Variants in PTPRG observed in about 807,000 individuals in gnomAD.
PTPRG encodes the protein protein tyrosine phosphatase receptor type G, also known as receptor-type tyrosine-protein phosphatase gamma.
In PTPRG, 102 loss-of-function variants were observed where a neutral mutation model predicts 165.3. The observed-to-expected ratio is 0.62, with a 90% CI of 0.53 to 0.73. The LOEUF (loss-of-function observed/expected upper bound fraction) is 0.73. PTPRG is among the 30% of genes least tolerant of loss of function. The probability of loss-of-function intolerance (pLI) is 0.00; values close to 1 mark genes in which losing one functional copy is unlikely to be tolerated. For synonymous variants in PTPRG, 675 were observed against 669.5 expected (o/e 1.01, Z -0.13); for missense variants, 1,866 against 1,861.4 (o/e 1.00, Z -0.05).
chr3:61,818,517 A>G (rs1486545927), intron 2 of PTPRG, among the ~76,000 whole-genome samples: 1 of 152,130 alleles, frequency 6.6e-6, no homozygotes, highest in Non-Finnish European at 1.5e-5. Context: ...AAAGTTGTTT[A>G]GGTGGGTGTG....
intron 2 of PTPRG, among the ~76,000 whole-genome samples, chr3:61,953,376 A>AGGAATTGCT (rs1559710421): frequency 6.6e-6 from 1 of 152,222 alleles, no homozygotes; most frequent in Non-Finnish European, 1.5e-5. Flanking sequence ...GTTAGAAAAA[A>AGGAATTGCT]GGAATTGCTG....
At chr3:62,191,374 C>G in intron 8 of PTPRG, 95 bp from the exon 9 acceptor site, 2 of 1,174,324 alleles carry the variant, frequency 1.7e-6, no homozygotes, top group Non-Finnish European at 2.4e-6. Context: ...TCCTGTATTA[C>G]TCTTTCAACT....
intron 5 of PTPRG, among the ~76,000 whole-genome samples, chr3:62,106,738 C>T (rs1194849004): frequency 1.3e-5 from 2 of 152,116 alleles, no homozygotes; most frequent in African/African-American, 4.8e-5. Context: ...ACTATACATA[C>T]CTCTAGGAAC....
intron 1 of PTPRG, among the ~76,000 whole-genome samples, chr3:61,736,203 C>T (rs574453306): frequency 1.1e-4 from 16 of 147,734 alleles, no homozygotes; most frequent in African/African-American, 3.3e-4. Flanking sequence ...CCACCGCACC[C>T]GGCCATTTTT....
chr3:62,126,166 G>C (rs542591603), intron 5 of PTPRG, among the ~76,000 whole-genome samples: 1 of 152,272 alleles, frequency 6.6e-6, no homozygotes, highest in African/African-American at 2.4e-5. Context: ...CACCCTGCGG[G>C]GATTGGTTTT....
intron 5 of PTPRG, among the ~76,000 whole-genome samples, chr3:62,083,026 TTAAAA>T (rs1478019368): frequency 6.6e-6 from 1 of 152,144 alleles, no homozygotes. Flanking sequence ...AAACATAAAT[TTAAAA>T]TAAAAATATT....
intron 2 of PTPRG, among the ~76,000 whole-genome samples, chr3:61,778,726 G>T (rs1463756872): frequency 2.0e-5 from 3 of 152,090 alleles, no homozygotes; most frequent in Non-Finnish European, 4.4e-5. Context: ...AGGAGTGAAG[G>T]ATCTCAGATA....
At chr3:62,174,103 G>A (rs1160018364) in intron 8 of PTPRG, among the ~76,000 whole-genome samples, 1 of 152,160 alleles carries the variant, frequency 6.6e-6, no homozygotes, top group Non-Finnish European at 1.5e-5. Flanking sequence ...GGATTTAATG[G>A]GCTGTCATTT....
chr3:62,116,079 T>C (rs1702856639), intron 5 of PTPRG, among the ~76,000 whole-genome samples: 1 of 152,156 alleles, frequency 6.6e-6, no homozygotes, highest in African/African-American at 2.4e-5. Context: ...TTGTCAGAGT[T>C]TGGGGAATTG....
chr3:62,001,360 A>G (rs1222116887), intron 3 of PTPRG, among the ~76,000 whole-genome samples: 1 of 152,230 alleles, frequency 6.6e-6, no homozygotes, highest in African/African-American at 2.4e-5. Context: ...TAAATGATTT[A>G]GGTAAAATCA....
At chr3:61,777,322 A>ATTAAAT (rs1340704737) in intron 2 of PTPRG, among the ~76,000 whole-genome samples, 26 of 152,310 alleles carry the variant, frequency 1.7e-4, no homozygotes, top group African/African-American at 6.3e-4. Context: ...TTTGAATTAA[A>ATTAAAT]TTAAATTTAA....
intron 6 of PTPRG, among the ~76,000 whole-genome samples, chr3:62,150,667 C>T (rs544695213): frequency 6.6e-5 from 10 of 152,002 alleles, no homozygotes; most frequent in Non-Finnish European, 1.3e-4. Context: ...AATTGCTTTT[C>T]CTCTAAAAAA....
At chr3:61,654,637 C>T (rs1702457671) in intron 1 of PTPRG, among the ~76,000 whole-genome samples, 2 of 152,132 alleles carry the variant, frequency 1.3e-5, no homozygotes, top group African/African-American at 4.8e-5. Flanking sequence ...CCGCCCGCCT[C>T]AGCCTCCCAA....
intron 2 of PTPRG, chr3:61,769,831 A>G (rs1203910398): frequency 1.3e-5 from 2 of 152,132 alleles, no homozygotes; most frequent in South Asian, 2.1e-4. Flanking sequence ...TTCTGACTGT[A>G]AAGAGTAGCA....
chr3:61,858,492 A>G (rs1474505613), intron 2 of PTPRG, among the ~76,000 whole-genome samples: 7 of 152,196 alleles, frequency 4.6e-5, no homozygotes, highest in African/African-American at 1.4e-4. Context: ...TATAATAGAG[A>G]TGTCATATAA....
At chr3:62,175,326 A>G (rs1281632478) in intron 8 of PTPRG, among the ~76,000 whole-genome samples, 1 of 152,240 alleles carries the variant, frequency 6.6e-6, no homozygotes, top group Admixed American at 6.5e-5. Context: ...CAGAAAGGCT[A>G]GCAAGAGAGC....
At chr3:62,096,421 C>T (rs192635947) in intron 5 of PTPRG, among the ~76,000 whole-genome samples, 4 of 152,202 alleles carry the variant, frequency 2.6e-5, no homozygotes, top group Non-Finnish European at 5.9e-5. Flanking sequence ...GATATTTTCT[C>T]CTGTCGTCTT....
Position 62,273,693 on chromosome 3 carries a change from C to T in PTPRG, c.3319-5C>T, listed in dbSNP as rs772622004. On this transcript the variant is annotated splice_region_variant and splice_polypyrimidine_tract_variant and intron_variant, in intron 22 of 29. Coordinates refer to ENST00000474889, the MANE Select transcript of PTPRG (RefSeq NM_002841.4). The surrounding 1 kb of genome is among the most constrained non-coding windows in gnomAD (Gnocchi z 4.1). ...TCAGTGACTACCATGTATTGTACCT[C>T]TTAGGAGCAGTACATTTTCATCCAT... The T allele has an allele frequency of 6.2e-7, 1 of 1,613,308 alleles. No homozygotes were observed. Among genetic ancestry groups the T allele is most frequent in the Non-Finnish European group, 8.5e-7 (1 of 1,179,392 alleles).
At chr3:62,221,221 TATG>T (rs1310965869) in intron 13 of PTPRG, among the ~76,000 whole-genome samples, 41 of 152,336 alleles carry the variant, frequency 2.7e-4, no homozygotes, top group Admixed American at 2.2e-3. Flanking sequence ...GAAATATTTT[TATG>T]ATGTTTATTA....
Sources: gnomAD v4.1 joint callset for allele counts (sites outside exome capture counted in the v4.1 genomes callset) on GRCh38, gnomAD v4.1.1 for gene constraint, Gnocchi (gnomAD v3.1) non-coding constraint, MANE v1.5 for transcripts, NCBI Gene and HGNC (gene_info 2026-07-23, HGNC 2026-07-21) for gene names.